The following SCAMP1 variants were observed in gnomAD, a reference collection of about 807,000 sequenced individuals.
SCAMP1 encodes secretory carrier-associated membrane protein 1.
In SCAMP1, 15 loss-of-function variants were observed where a neutral mutation model predicts 41.8. The ratio of observed to expected loss-of-function variants is 0.36; its 90% confidence interval spans 0.24 to 0.55. The LOEUF is 0.55. SCAMP1 is among the 20% of genes least tolerant of loss of function. SCAMP1 has a pLI of 0.86. For missense variants in SCAMP1, 341 were observed against 412.6 expected, an observed-to-expected ratio of 0.83 and a Z score of 1.50; for synonymous variants, 135 against 136.8, an observed-to-expected ratio of 0.99 and a Z score of 0.09.
chr5:78,408,525 G>T (rs1453429484), intron 2 of SCAMP1, among the ~76,000 whole-genome samples: 1 of 152,178 alleles, frequency 6.6e-6, no homozygotes. Flanking sequence ...AAAATTGGAT[G>T]TTGGATTATC....
chr5:78,375,703 CTT>C (rs1580645847), intron 1 of SCAMP1, among the ~76,000 whole-genome samples: 3 of 152,166 alleles, frequency 2.0e-5, no homozygotes, highest in South Asian at 2.1e-4. Flanking sequence ...AATCATGTCT[CTT>C]GTCATCCTTT....
intron 1 of SCAMP1, among the ~76,000 whole-genome samples, chr5:78,375,350 C>A (rs1406541030): frequency 6.6e-6 from 1 of 152,052 alleles, no homozygotes; most frequent in Non-Finnish European, 1.5e-5. Context: ...CTGACCATGT[C>A]ACTTATTATA....
chr5:78,390,680 T>G (rs1751465368), intron 2 of SCAMP1, among the ~76,000 whole-genome samples: 1 of 151,054 alleles, frequency 6.6e-6, no homozygotes, highest in African/African-American at 2.4e-5. Flanking sequence ...TTATTGATCA[T>G]TCTTGGGTGT....
intron 2 of SCAMP1, among the ~76,000 whole-genome samples, chr5:78,413,682 T>C (rs1752138603): frequency 1.3e-5 from 2 of 152,220 alleles, no homozygotes; most frequent in Non-Finnish European, 2.9e-5. Flanking sequence ...CCTCCCAAAG[T>C]GCTGGGATTA....
At chr5:78,381,066 C>CAAA (rs35373034) in intron 1 of SCAMP1, among the ~76,000 whole-genome samples, 1 of 143,892 alleles carries the variant, frequency 6.9e-6, no homozygotes, top group Non-Finnish European at 1.5e-5. Flanking sequence ...GACTCCGTCT[C>CAAA]AAAAAAAAAA....
At chr5:78,410,737 G>C (rs1276666772) in intron 2 of SCAMP1, among the ~76,000 whole-genome samples, 1 of 152,140 alleles carries the variant, frequency 6.6e-6, no homozygotes, top group Admixed American at 6.5e-5. Context: ...CTTCCACAGT[G>C]GTTGAACTAA....
At chr5:78,403,950 C>CAAAAAAAAAA (rs61249151) in intron 2 of SCAMP1, among the ~76,000 whole-genome samples, 1 of 49,346 alleles carries the variant, frequency 2.0e-5, no homozygotes, top group African/African-American at 8.2e-5. Flanking sequence ...GACTCTGTCT[C>CAAAAAAAAAA]AAAAAAAAAA....
rs546229659 is a variant in SCAMP1, at chr5:78,407,877, CTCT to C, written c.136-7641_136-7639del. ...TAAGAAGCTGGCCAATTCTGATAGT[CTCT>C]TGTTAGTCAAACTTGTATTACCCTC... On this transcript the variant is annotated intron_variant, in intron 2 of 8. Transcript: ENST00000621999. 3.9e-5 allele frequency among the ~76,000 whole-genome samples: 6 copies of C among 152,238 alleles called. No individual in the cohort carries two copies. In the East Asian group the frequency reaches 9.6e-4, roughly 24 times the overall value.
Position 78,396,456 on chromosome 5 carries a change from C to G in SCAMP1, c.135+7542C>G, listed in dbSNP as rs1453744250. On this transcript the variant is annotated intron_variant, in intron 2 of 8. Coordinates refer to ENST00000621999, the MANE Select transcript of SCAMP1 (RefSeq NM_004866.6). ...AGTTAGTGAAGCAGGAAACCAAAAA[C>G]TGACCAGGTTCAGTTCAGTTTTTGA... Among the ~76,000 whole-genome samples, 6 of 152,280 alleles carry G rather than the reference C, an allele frequency of 3.9e-5. No individual in the cohort carries two copies. The East Asian group carries it at 1.2e-3, about 29-fold the overall frequency.
At chr5:78,434,695 A>T (rs2112174098) in intron 6 of SCAMP1, among the ~76,000 whole-genome samples, 1 of 152,342 alleles carries the variant, frequency 6.6e-6, no homozygotes, top group Admixed American at 6.5e-5. Context: ...GTTTGTGAAG[A>T]TAATCCTCTT....
chr5:78,415,631 T>C lies in SCAMP1; in HGVS notation c.234+13T>C. 1 of 1,503,014 alleles carries C rather than the reference T, an allele frequency of 6.7e-7. No individual in the cohort carries two copies. The highest frequency in any genetic ancestry group is 9.2e-7 in the Non-Finnish European group (1 of 1,092,732). 93.1% of individuals were successfully genotyped at this position (1,503,014 alleles called of 1,614,324 possible). A position where few individuals can be genotyped will look rare whatever the true frequency, so the allele number is the denominator to read the frequency against. On this transcript the variant is annotated intron_variant, in intron 3 of 8. Coordinates refer to ENST00000621999, the MANE Select transcript of SCAMP1 (RefSeq NM_004866.6). Reference sequence around the variant, plus strand: ...ACAGATTGCAAAGGTTAGTTCATGTTAGTTGTATAAATTCATATTGGCCAT... The same window carrying C: ...ACAGATTGCAAAGGTTAGTTCATGTCAGTTGTATAAATTCATATTGGCCAT...
intron 1 of SCAMP1, among the ~76,000 whole-genome samples, chr5:78,368,138 C>A (rs77166017): frequency 0.015 from 2,212 of 152,288 alleles, 55 homozygotes; most frequent in African/African-American, 0.051. Flanking sequence ...CAAACCATGC[C>A]TTAAAAACCA....
intron 6 of SCAMP1, among the ~76,000 whole-genome samples, chr5:78,432,174 A>G (rs1752641060): frequency 6.6e-6 from 1 of 151,970 alleles, no homozygotes; most frequent in African/African-American, 2.4e-5. Context: ...TCTATGTGTC[A>G]CTACTTTTGC....
chr5:78,457,844 G>C (rs1195417901), intron 7 of SCAMP1: 1 of 160,396 alleles, frequency 6.2e-6, no homozygotes, highest in African/African-American at 2.4e-5. Context: ...GAGACTCCGT[G>C]GGCGTAGGAC....
intron 1 of SCAMP1, among the ~76,000 whole-genome samples, chr5:78,376,437 G>A (rs1488110923): frequency 1.3e-5 from 2 of 152,174 alleles, no homozygotes; most frequent in East Asian, 1.9e-4. Context: ...TACAACAGTA[G>A]ATGGCTTTTG....
At chr5:78,402,010 G>T (rs1457694396) in intron 2 of SCAMP1, among the ~76,000 whole-genome samples, 1 of 143,528 alleles carries the variant, frequency 7.0e-6, no homozygotes, top group Non-Finnish European at 1.5e-5. Context: ...CACAAATTTT[G>T]ATAAGATGTA....
Position 78,469,890 on chromosome 5 carries a change from T to TAAAAA in SCAMP1, c.853-5596_853-5592dup, listed in dbSNP as rs141989832. On this transcript the variant is annotated intron_variant, in intron 8 of 8. Coordinates refer to ENST00000621999, the MANE Select transcript of SCAMP1 (RefSeq NM_004866.6). ...TACCCTCCAACCCCTTACAAGACAT[T>TAAAAA]AAAAAAAAAAAAAAAAAAAAAACAA... Among the ~76,000 whole-genome samples the TAAAAA allele has an allele frequency of 4.7e-3, 70 of 14,938 alleles. 1 individual carries two copies. The highest frequency in any genetic ancestry group is 9.8e-3 in the Non-Finnish European group (57 of 5,814). 9.8% of individuals were successfully genotyped at this position (14,938 alleles called of 152,430 possible). A position where few individuals can be genotyped will look rare whatever the true frequency, so the allele number is the denominator to read the frequency against.
chr5:78,433,423 G>A (rs762688535), intron 6 of SCAMP1, among the ~76,000 whole-genome samples: 4 of 152,166 alleles, frequency 2.6e-5, no homozygotes, highest in Non-Finnish European at 4.4e-5. Context: ...CACAGCTGAA[G>A]ACCCACTGGA....
intron 1 of SCAMP1, among the ~76,000 whole-genome samples, chr5:78,367,309 A>G (rs531837059): frequency 1.1e-4 from 17 of 152,288 alleles, no homozygotes; most frequent in African/African-American, 3.4e-4. Flanking sequence ...TTATTTGCTC[A>G]CGATTCTGTT....
Sources: allele counts gnomAD v4.1 joint callset (sites outside exome capture counted in the v4.1 genomes callset), GRCh38; gene constraint gnomAD v4.1.1; transcripts MANE v1.5; gene names NCBI Gene and HGNC (gene_info 2026-07-23, HGNC 2026-07-21).